The following ASCC3 variants were observed in gnomAD, a reference collection of about 807,000 sequenced individuals.
The protein encoded by ASCC3 is ASC-1 complex subunit P200.
In ASCC3, 158 loss-of-function variants were observed where a neutral mutation model predicts 256.3. The observed-to-expected ratio is 0.62, with a 90% CI of 0.54 to 0.70. The LOEUF (loss-of-function observed/expected upper bound fraction) is 0.70. Among genes scored for constraint, ASCC3 ranks in the 30% least tolerant of loss-of-function variants. The pLI, the probability that ASCC3 is intolerant of heterozygous loss-of-function variation, is 0.00. For missense variants in ASCC3, 2,259 were observed against 2,626.0 expected (o/e 0.86, Z 3.05); for synonymous variants, 948 against 883.4 (o/e 1.07, Z -1.30).
chr6:100,728,812 C>A (rs1779760069), intron 10 of ASCC3, among the ~76,000 whole-genome samples: 1 of 152,096 alleles, frequency 6.6e-6, no homozygotes, highest in Non-Finnish European at 1.5e-5. Context: ...GCATCCATAG[C>A]TGCGGATGGC....
At chr6:100,877,670 C>T (rs770837536) in intron 1 of ASCC3, among the ~76,000 whole-genome samples, 17 of 152,156 alleles carry the variant, frequency 1.1e-4, no homozygotes, top group Admixed American at 3.9e-4. Flanking sequence ...CTTGAATCTA[C>T]CAAACACTGT....
chr6:100,683,678 A>C (rs1582690857), intron 13 of ASCC3, among the ~76,000 whole-genome samples: 2 of 152,150 alleles, frequency 1.3e-5, no homozygotes, highest in Admixed American at 1.3e-4. Context: ...GCAACAGTTA[A>C]ATTGGTGTGT....
chr6:100,719,095 C>A (rs1779207499), intron 11 of ASCC3, among the ~76,000 whole-genome samples: 1 of 152,056 alleles, frequency 6.6e-6, no homozygotes, highest in African/African-American at 2.4e-5. Flanking sequence ...TCTGTAGGCA[C>A]TAGGGATGCA....
chr6:100,625,063 A>G lies in ASCC3; in HGVS notation c.4785+129T>C, dbSNP rs145765431. 274 of 1,006,172 alleles carry G rather than the reference A, an allele frequency of 2.7e-4. 1 individual carries two copies. The East Asian group carries it at 5.9e-3, about 22-fold the overall frequency. The allele number at this position is 1,006,172 out of a possible 1,614,324, so 62.3% of individuals were successfully genotyped here. A position where few individuals can be genotyped will look rare whatever the true frequency, so the allele number is the denominator to read the frequency against. ...GTAGAACAAACTATAACAGAATATT[A>G]ATAGTGTGGTAAGGTGGCGGTATTA... On this transcript the variant is annotated intron_variant, in intron 30 of 41. Transcript: ENST00000369162.
At chr6:100,779,916 C>A (rs901651777) in intron 8 of ASCC3, among the ~76,000 whole-genome samples, 1 of 151,980 alleles carries the variant, frequency 6.6e-6, no homozygotes, top group Non-Finnish European at 1.5e-5. Flanking sequence ...ATAGAGAAAT[C>A]TTAAAGGTGA....
In ASCC3 at chr6:100,714,026, C is replaced by T. The variant is rs564879614; in HGVS notation, c.2151+1436G>A. Among the ~76,000 whole-genome samples the T allele has an allele frequency of 4.6e-5, 7 of 152,228 alleles. No individual in the cohort carries two copies. The South Asian group carries it at 1.5e-3, about 32-fold the overall frequency. ...CATCACACATACACTACAAATAAAA[C>T]CTCACGAGGCAATCCAGAACAGAGG... On this transcript the variant is annotated intron_variant, in intron 13 of 41. Coordinates refer to ENST00000369162, the MANE Select transcript of ASCC3 (RefSeq NM_006828.4).
At chr6:100,687,026 T>TCACACACACACACACA (rs1489836127) in intron 13 of ASCC3, among the ~76,000 whole-genome samples, 1 of 73,238 alleles carries the variant, frequency 1.4e-5, no homozygotes, top group Non-Finnish European at 3.0e-5. Flanking sequence ...TCTCTCTCTC[T>TCACACACACACACACA]CTCTCTCTCA....
chr6:100,837,497 A>G (rs1771931930), intron 4 of ASCC3, among the ~76,000 whole-genome samples: 1 of 152,166 alleles, frequency 6.6e-6, no homozygotes, highest in African/African-American at 2.4e-5. Context: ...GCATCCATCA[A>G]CAGATGAATA....
At chr6:100,662,253 G>T (rs968926736) in intron 15 of ASCC3, 92 bp downstream of exon 15, 9 of 1,337,804 alleles carry the variant, frequency 6.7e-6, no homozygotes, top group Non-Finnish European at 9.2e-6. Context: ...CAAGGAAACA[G>T]CCAAATCACA....
At chr6:100,726,626 A>C (rs1028974972) in intron 10 of ASCC3, among the ~76,000 whole-genome samples, 1 of 152,032 alleles carries the variant, frequency 6.6e-6, no homozygotes, top group African/African-American at 2.4e-5. Context: ...GTACCACCAA[A>C]TCTTAAAATC....
intron 10 of ASCC3, among the ~76,000 whole-genome samples, chr6:100,760,978 C>T (rs1199157445): frequency 1.3e-5 from 2 of 152,138 alleles, no homozygotes; most frequent in Non-Finnish European, 2.9e-5. Context: ...ATTCAAGAAG[C>T]TGAGCAAACA....
chr6:100,532,678 T>C (rs1774976470), intron 37 of ASCC3, among the ~76,000 whole-genome samples: 1 of 151,878 alleles, frequency 6.6e-6, no homozygotes, highest in African/African-American at 2.4e-5. Context: ...GTACATTTTA[T>C]GCAAATATGG....
intron 13 of ASCC3, among the ~76,000 whole-genome samples, chr6:100,686,389 A>G (rs1179236475): frequency 6.6e-6 from 1 of 152,162 alleles, no homozygotes; most frequent in Non-Finnish European, 1.5e-5. Context: ...AGTAGCCACT[A>G]TGTTTCTTGT....
chr6:100,570,060 A>G (rs919995265), intron 36 of ASCC3, among the ~76,000 whole-genome samples: 1 of 152,080 alleles, frequency 6.6e-6, no homozygotes, highest in Non-Finnish European at 1.5e-5. Context: ...ATAGGATTTC[A>G]TTCTTTATTT....
intron 25 of ASCC3, among the ~76,000 whole-genome samples, chr6:100,632,590 A>G (rs1307594047): frequency 6.6e-6 from 1 of 152,186 alleles, no homozygotes; most frequent in Admixed American, 6.5e-5. Context: ...TACAGTAATC[A>G]TAACAGTGTG....
chr6:100,755,906 T>C (rs1393984154), intron 10 of ASCC3, among the ~76,000 whole-genome samples: 5 of 152,194 alleles, frequency 3.3e-5, no homozygotes, highest in Non-Finnish European at 5.9e-5. Context: ...CCAAACTCTA[T>C]AGAAGTAACA....
At chr6:100,641,788 C>T (rs531324474) in intron 24 of ASCC3, among the ~76,000 whole-genome samples, 2 of 152,064 alleles carry the variant, frequency 1.3e-5, no homozygotes, top group Non-Finnish European at 2.9e-5. Flanking sequence ...TGACAGACTG[C>T]ATTAAGAAAA....
At chr6:100,614,114 T>C (rs1335103336) in intron 30 of ASCC3, among the ~76,000 whole-genome samples, 3 of 152,206 alleles carry the variant, frequency 2.0e-5, no homozygotes, top group African/African-American at 4.8e-5. Context: ...AAGCACTTCA[T>C]ATTTATTTCT....
intron 14 of ASCC3, among the ~76,000 whole-genome samples, chr6:100,663,108 C>T (rs151572): frequency 0.56 from 85,463 of 151,738 alleles, 24,282 homozygotes; most frequent in East Asian, 0.73. Context: ...TATGATATTC[C>T]TCATTGCGAT....
Sources: allele counts gnomAD v4.1 joint callset (sites outside exome capture counted in the v4.1 genomes callset), GRCh38; gene constraint gnomAD v4.1.1; transcripts MANE v1.5; gene names NCBI Gene and HGNC (gene_info 2026-07-23, HGNC 2026-07-21).